VAT1L: variants seen among roughly 807,000 people sequenced by gnomAD.
The protein encoded by VAT1L is putative NADPH-dependent quinone oxidoreductase VAT1L.
VAT1L carries 34 observed loss-of-function variants against 44.1 expected under a neutral mutation model. The observed-to-expected ratio is 0.77, with a 90% CI of 0.59 to 1.03. VAT1L has a LOEUF of 1.03. VAT1L is among the 50% of genes least tolerant of loss of function. The pLI, the probability that VAT1L is intolerant of heterozygous loss-of-function variation, is 0.00. For synonymous variants in VAT1L, 253 were observed against 202.2 expected, an observed-to-expected ratio of 1.25 and a Z score of -2.13; for missense variants, 615 against 538.8, an observed-to-expected ratio of 1.14 and a Z score of -1.40.
At chr16:77,797,423 T>A (rs1235085998) in intron 1 of VAT1L, among the ~76,000 whole-genome samples, 1 of 152,172 alleles carries the variant, frequency 6.6e-6, no homozygotes, top group Non-Finnish European at 1.5e-5. Flanking sequence ...TTTTCTTTTT[T>A]TAGGATGCTA....
intron 7 of VAT1L, among the ~76,000 whole-genome samples, chr16:77,970,140 G>A (rs150165209): frequency 2.3e-3 from 343 of 151,720 alleles, no homozygotes; most frequent in African/African-American, 7.9e-3. Context: ...GTAGGCTGAC[G>A]TGGGAGCATT....
At chr16:77,945,979 TG>T (rs1357118184) in intron 7 of VAT1L, among the ~76,000 whole-genome samples, 2 of 152,014 alleles carry the variant, frequency 1.3e-5, no homozygotes, top group African/African-American at 4.8e-5. Flanking sequence ...TTTTTGTATT[TG>T]TAGCAGAGAC....
At position 77,879,443 on chromosome 16, in the gene VAT1L, A is replaced by G. The variant is rs2017125961; in HGVS notation, c.882+219A>G. 6.6e-6 allele frequency among the ~76,000 whole-genome samples: 1 copy of G among 152,210 alleles called. No homozygotes were observed. The highest frequency in any genetic ancestry group is 6.5e-5 in the Admixed American group (1 of 15,280). On this transcript the variant is annotated intron_variant, in intron 6 of 8. Transcript: ENST00000302536. This position sits in a 1 kb window ranked among gnomAD's most constrained non-coding sequence, Gnocchi z 4.1. ...GTAGCTGGGATTACAGGCATGCGCCACCATACCCAGCTAATTTTTGTATTT... is the reference window on the plus strand; with the variant it reads ...GTAGCTGGGATTACAGGCATGCGCCGCCATACCCAGCTAATTTTTGTATTT...
intron 2 of VAT1L, among the ~76,000 whole-genome samples, chr16:77,824,803 C>T (rs116700372): frequency 0.033 from 4,818 of 146,668 alleles, 261 homozygotes; most frequent in African/African-American, 0.11. Context: ...GGATAGAGTT[C>T]TCAAGTGTAT....
intron 7 of VAT1L, among the ~76,000 whole-genome samples, chr16:77,903,535 G>A (rs570655354): frequency 6.6e-6 from 1 of 152,190 alleles, no homozygotes; most frequent in South Asian, 2.1e-4. Context: ...CATTGGACTG[G>A]ACCAGGGTGT....
At chr16:77,964,029 G>A (rs1304723111) in intron 7 of VAT1L, among the ~76,000 whole-genome samples, 2 of 152,082 alleles carry the variant, frequency 1.3e-5, no homozygotes, top group Non-Finnish European at 2.9e-5. Context: ...TCTGGCCGCT[G>A]CCTTCCCCTC....
chr16:77,857,913 A>G (rs1307323509), intron 3 of VAT1L, among the ~76,000 whole-genome samples: 1 of 151,248 alleles, frequency 6.6e-6, no homozygotes, highest in African/African-American at 2.4e-5. Flanking sequence ...CAGAACCTGC[A>G]TAGGTTAATT....
At chr16:77,851,874 A>G (rs2016811783) in intron 3 of VAT1L, among the ~76,000 whole-genome samples, 1 of 152,122 alleles carries the variant, frequency 6.6e-6, no homozygotes, top group Non-Finnish European at 1.5e-5. Context: ...GTGTTTCCCC[A>G]GTGCTGAGCG....
At chr16:77,885,404 A>T (rs1174321398) in intron 7 of VAT1L, among the ~76,000 whole-genome samples, 1 of 152,158 alleles carries the variant, frequency 6.6e-6, no homozygotes, top group African/African-American at 2.4e-5. Flanking sequence ...AACTGGTTGT[A>T]TTGGTTCACA....
At chr16:77,834,508 A>G (rs997492280) in intron 3 of VAT1L, among the ~76,000 whole-genome samples, 1 of 151,958 alleles carries the variant, frequency 6.6e-6, no homozygotes, top group Admixed American at 6.6e-5. Context: ...ATCCTCTATG[A>G]TCTCTCTTTC....
intron 6 of VAT1L, chr16:77,882,111 A>C (rs541697773): frequency 2.0e-5 from 3 of 152,318 alleles, no homozygotes; most frequent in African/African-American, 7.2e-5. Flanking sequence ...CTGCTCAAAC[A>C]CTGAGGGTCA....
At chr16:77,907,055 C>A (rs992894207) in intron 7 of VAT1L, among the ~76,000 whole-genome samples, 1 of 152,192 alleles carries the variant, frequency 6.6e-6, no homozygotes, top group African/African-American at 2.4e-5. Flanking sequence ...CAGTGAAATG[C>A]TGGTAAATAT....
chr16:77,953,912 A>C (rs1324811467), intron 7 of VAT1L, among the ~76,000 whole-genome samples: 1 of 151,988 alleles, frequency 6.6e-6, no homozygotes, highest in Admixed American at 6.6e-5. Flanking sequence ...TCCAGCATGC[A>C]ACTTTGCTTC....
chr16:77,965,053 G>C (rs980892965), intron 7 of VAT1L, among the ~76,000 whole-genome samples: 2 of 151,972 alleles, frequency 1.3e-5, no homozygotes, highest in African/African-American at 4.8e-5. Flanking sequence ...GCCTCCCAAA[G>C]TGCTGGGATT....
At chr16:77,883,673 G>A (rs1046446994) in intron 6 of VAT1L, among the ~76,000 whole-genome samples, 2 of 152,056 alleles carry the variant, frequency 1.3e-5, no homozygotes, top group Non-Finnish European at 2.9e-5. Flanking sequence ...TGCCTTCTGG[G>A]GGACAAAACT....
chr16:77,940,746 C>G (rs1567515789), intron 7 of VAT1L, among the ~76,000 whole-genome samples: 1 of 152,148 alleles, frequency 6.6e-6, no homozygotes. Flanking sequence ...TGTCTGTCTT[C>G]AAATTTTCCA....
intron 1 of VAT1L, among the ~76,000 whole-genome samples, chr16:77,813,892 G>T (rs1225095250): frequency 6.6e-6 from 1 of 152,210 alleles, no homozygotes; most frequent in Non-Finnish European, 1.5e-5. Flanking sequence ...CAAGGGGGAA[G>T]ATATAAAGAG....
At chr16:77,899,623 T>C (rs2017359837) in intron 7 of VAT1L, among the ~76,000 whole-genome samples, 1 of 152,238 alleles carries the variant, frequency 6.6e-6, no homozygotes, top group Non-Finnish European at 1.5e-5. Context: ...ATAGCTTCCC[T>C]AGCACATTCA....
At chr16:77,874,166 A>G (rs865891301) in intron 4 of VAT1L, among the ~76,000 whole-genome samples, 1 of 152,052 alleles carries the variant, frequency 6.6e-6, no homozygotes, top group Non-Finnish European at 1.5e-5. Context: ...TGCATGGCCT[A>G]ATATTGGTGA....
Sources: allele counts gnomAD v4.1 joint callset (sites outside exome capture counted in the v4.1 genomes callset), GRCh38; gene constraint gnomAD v4.1.1; non-coding constraint Gnocchi (gnomAD v3.1); transcripts MANE v1.5; gene names NCBI Gene and HGNC (gene_info 2026-07-23, HGNC 2026-07-21).